SMAD2: variants seen among roughly 807,000 people sequenced by gnomAD.
SMAD2 encodes the protein SMAD family member 2, also known as MAD homolog 2.
A neutral mutation model predicts 64.4 loss-of-function variants in SMAD2; 8 were observed. That is an observed-to-expected ratio of 0.12 (90% CI 0.07 to 0.22). SMAD2 has a LOEUF of 0.22. Among genes scored for constraint, SMAD2 ranks in the 10% least tolerant of loss-of-function variants. The pLI is 1.00. For synonymous variants in SMAD2, 203 were observed against 195.8 expected (o/e 1.04, Z -0.31); for missense variants, 289 against 561.2 (o/e 0.51, Z 4.90).
chr18:47,867,445 T>C (rs1475998289), intron 5 of SMAD2: 1 of 152,038 alleles, frequency 6.6e-6, no homozygotes, highest in Non-Finnish European at 1.5e-5. Context: ...TAAAACTGTA[T>C]TTTAAGAATT....
intron 2 of SMAD2, among the ~76,000 whole-genome samples, chr18:47,885,198 C>T (rs371307379): frequency 4.6e-5 from 7 of 151,486 alleles, no homozygotes; most frequent in African/African-American, 1.5e-4. Flanking sequence ...CCCTCCCCCC[C>T]CAAGACAGTC....
chr18:47,858,297 C>T (rs1343248922), intron 6 of SMAD2, among the ~76,000 whole-genome samples: 3 of 152,036 alleles, frequency 2.0e-5, no homozygotes, highest in Admixed American at 6.5e-5. Context: ...ATGAAAAATT[C>T]ATTTAATTGG....
chr18:47,842,759 T>G (rs1208346382), intron 10 of SMAD2, among the ~76,000 whole-genome samples: 3 of 152,164 alleles, frequency 2.0e-5, no homozygotes, highest in Non-Finnish European at 2.9e-5. Context: ...GGAATTCAAC[T>G]TTCCCTGCCA....
chr18:47,848,408 C>T (rs971747559), intron 8 of SMAD2, 67 bp downstream of exon 8: 2 of 1,211,738 alleles, frequency 1.7e-6, no homozygotes, highest in African/African-American at 3.0e-5. Context: ...TGATGTGGCA[C>T]ACCATGCAAT....
chr18:47,896,105 C>T (rs1222238051), intron 2 of SMAD2, among the ~76,000 whole-genome samples: 2 of 152,198 alleles, frequency 1.3e-5, no homozygotes, highest in African/African-American at 4.8e-5. Flanking sequence ...GGAAGCAATG[C>T]TGCAACGCAA....
At chr18:47,853,898 T>C (rs1053492905) in intron 6 of SMAD2, among the ~76,000 whole-genome samples, 2 of 152,122 alleles carry the variant, frequency 1.3e-5, no homozygotes, top group African/African-American at 4.8e-5. Flanking sequence ...AAGCCACTAT[T>C]AGAAATGGAG....
chr18:47,827,945 T>C lies in SMAD2; in HGVS notation c.*13882A>G. 1 of 173,010 alleles carries C rather than the reference T, an allele frequency of 5.8e-6. No individual in the cohort carries two copies. Among genetic ancestry groups the C allele is most frequent in the South Asian group, 1.2e-4 (1 of 8,462 alleles). The allele number at this position is 173,010 out of a possible 1,614,324, so 10.7% of individuals were successfully genotyped here. ...AGCATCTCTGCCTGGCTGCCCATCG[T>C]CTGGGATGTGAGGAGCCCCTCAGCC... On this transcript the variant is annotated 3_prime_UTR_variant, in exon 11 of 11. Transcript: ENST00000262160.
At chr18:47,900,511 T>C (rs191990493) in intron 1 of SMAD2, among the ~76,000 whole-genome samples, 215 of 152,302 alleles carry the variant, frequency 1.4e-3, no homozygotes, top group African/African-American at 5.1e-3. Context: ...CCCATCCTCC[T>C]TTTATCAGTT....
At chr18:47,883,793 G>C (rs549153544) in intron 2 of SMAD2, among the ~76,000 whole-genome samples, 1 of 152,100 alleles carries the variant, frequency 6.6e-6, no homozygotes, top group Non-Finnish European at 1.5e-5. Flanking sequence ...TCATGAGTTT[G>C]ACCATGATAT....
chr18:47,908,806 G>A (rs1370337826), intron 1 of SMAD2, among the ~76,000 whole-genome samples: 1 of 152,142 alleles, frequency 6.6e-6, no homozygotes, highest in Admixed American at 6.5e-5. Flanking sequence ...CTTCTCTCCA[G>A]TAAATTATCA....
At chr18:47,926,278 A>G (rs1209086453) in intron 1 of SMAD2, among the ~76,000 whole-genome samples, 5 of 152,216 alleles carry the variant, frequency 3.3e-5, no homozygotes, top group African/African-American at 1.2e-4. Flanking sequence ...TGACAATCTA[A>G]AGTATATTAC....
intron 10 of SMAD2, 36 bp downstream of exon 10, chr18:47,845,304 C>G (rs2144286845): frequency 6.3e-7 from 1 of 1,586,410 alleles, no homozygotes; most frequent in Non-Finnish European, 8.7e-7. Flanking sequence ...CATAATTACA[C>G]TGTGGAAATT....
rs1462585628 is a variant in SMAD2, at chr18:47,829,420, T to A, written c.*12407A>T. 2.6e-5 allele frequency: 4 copies of A among 152,122 alleles called. No individual in the cohort carries two copies. The highest frequency in any genetic ancestry group is 4.8e-5 in the African/African-American group (2 of 41,436). 9.4% of individuals were successfully genotyped at this position (152,122 alleles called of 1,614,324 possible). On this transcript the variant is annotated 3_prime_UTR_variant, in exon 11 of 11. Transcript: ENST00000262160. ...AAAAAAAAAAAAGCACATCCACTTT[T>A]ACAATGGTCACATACAAATGGGGAA... is the stretch of plus-strand genomic sequence containing the variant.
chr18:47,882,130 A>G, intron 2 of SMAD2, among the ~76,000 whole-genome samples: 1 of 136,934 alleles, frequency 7.3e-6, no homozygotes, highest in Non-Finnish European at 1.5e-5. Flanking sequence ...AAGCAATCCT[A>G]CTGCGTTGGC....
intron 1 of SMAD2, among the ~76,000 whole-genome samples, chr18:47,929,449 GTTAT>G (rs970493658): frequency 2.6e-5 from 4 of 152,178 alleles, no homozygotes; most frequent in Admixed American, 1.3e-4. Context: ...ATTATTCCAA[GTTAT>G]TTATTTATTA....
chr18:47,903,878 G>GT lies in SMAD2; in HGVS notation c.-53-7070_-53-7069insA, dbSNP rs1160893951. On this transcript the variant is annotated intron_variant, in intron 1 of 10. Coordinates refer to ENST00000262160, the MANE Select transcript of SMAD2 (RefSeq NM_005901.6). ...ACACAAAGAGGGAAAAAACAGTGTG[G>GT]GGGGGGGGGGGACTCAGAATATCCA... 1.4e-3 allele frequency among the ~76,000 whole-genome samples: 175 copies of GT among 126,340 alleles called. 11 individuals are homozygous for GT. The highest frequency in any genetic ancestry group is 6.3e-3 in the African/African-American group (171 of 27,326). The allele number at this position is 126,340 out of a possible 152,430, so 82.9% of individuals were successfully genotyped here. A position where few individuals can be genotyped will look rare whatever the true frequency, so the allele number is the denominator to read the frequency against.
intron 1 of SMAD2, among the ~76,000 whole-genome samples, chr18:47,923,860 C>T (rs939663231): frequency 6.6e-6 from 1 of 152,184 alleles, no homozygotes; most frequent in African/African-American, 2.4e-5. Flanking sequence ...TGCACAACCT[C>T]AGGCCAAAGC....
chr18:47,843,735 C>T (rs1598743912), intron 10 of SMAD2, among the ~76,000 whole-genome samples: 3 of 152,204 alleles, frequency 2.0e-5, no homozygotes, highest in East Asian at 1.9e-4. Context: ...TACCTGACTC[C>T]CAATACTCAT....
At chr18:47,903,817 C>T (rs534157536) in intron 1 of SMAD2, among the ~76,000 whole-genome samples, 1 of 128,688 alleles carries the variant, frequency 7.8e-6, no homozygotes, top group Admixed American at 1.0e-4. Context: ...GAGCAGTGAA[C>T]TTGAAGACAG....
Sources: allele counts gnomAD v4.1 joint callset (sites outside exome capture counted in the v4.1 genomes callset), GRCh38; gene constraint gnomAD v4.1.1; transcripts MANE v1.5; gene names NCBI Gene and HGNC (gene_info 2026-07-23, HGNC 2026-07-21).